EXT1: variants seen among roughly 807,000 people sequenced by gnomAD.
EXT1 encodes exostosin glycosyltransferase 1.
A neutral mutation model predicts 82.5 loss-of-function variants in EXT1; 20 were observed. The observed-to-expected ratio is 0.24, with a 90% CI of 0.17 to 0.35. EXT1 has a LOEUF of 0.35. EXT1 is among the 10% of genes least tolerant of loss of function. EXT1 has a pLI of 1.00. For synonymous variants in EXT1, 348 were observed against 350.8 expected (o/e 0.99, Z 0.09); for missense variants, 757 against 936.5 (o/e 0.81, Z 2.50).
At chr8:117,954,960 G>T (rs1278133328) in intron 1 of EXT1, among the ~76,000 whole-genome samples, 3 of 152,140 alleles carry the variant, frequency 2.0e-5, no homozygotes, top group Non-Finnish European at 4.4e-5. Context: ...ACAAGTCTGG[G>T]TCTCCTATAC....
intron 1 of EXT1, 142 bp downstream of exon 1, chr8:118,109,943 C>T (rs1817863677): frequency 7.5e-7 from 1 of 1,340,316 alleles, no homozygotes; most frequent in East Asian, 2.4e-5. Flanking sequence ...ACACCCGAAC[C>T]GGATTTGCTC....
intron 1 of EXT1, among the ~76,000 whole-genome samples, chr8:117,843,233 A>T (rs1289158264): frequency 6.6e-6 from 1 of 152,226 alleles, no homozygotes; most frequent in Non-Finnish European, 1.5e-5. Flanking sequence ...TTCACCAAGC[A>T]TTAGTTGAAT....
intron 7 of EXT1, among the ~76,000 whole-genome samples, chr8:117,817,200 A>T (rs960638100): frequency 1.3e-5 from 2 of 152,204 alleles, no homozygotes; most frequent in African/African-American, 4.8e-5. Context: ...TGTTACAAGG[A>T]GCTCAGCACA....
At chr8:118,094,678 G>A (rs867554387) in intron 1 of EXT1, among the ~76,000 whole-genome samples, 1 of 152,172 alleles carries the variant, frequency 6.6e-6, no homozygotes, top group Non-Finnish European at 1.5e-5. Flanking sequence ...AGTGAAGAAC[G>A]GAAACAGGGA....
chr8:118,106,897 A>C (rs374301916), intron 1 of EXT1, among the ~76,000 whole-genome samples: 14 of 152,244 alleles, frequency 9.2e-5, no homozygotes, highest in African/African-American at 3.4e-4. Flanking sequence ...TACAGCTATC[A>C]TAAAAATTGA....
intron 1 of EXT1, among the ~76,000 whole-genome samples, chr8:117,899,902 C>G (rs565571903): frequency 6.6e-6 from 1 of 152,168 alleles, no homozygotes; most frequent in Admixed American, 6.5e-5. Flanking sequence ...AAGAGTGGAT[C>G]TAAACTCAAA....
chr8:117,986,443 C>T (rs1279433369), intron 1 of EXT1, among the ~76,000 whole-genome samples: 1 of 152,098 alleles, frequency 6.6e-6, no homozygotes, highest in South Asian at 2.1e-4. Flanking sequence ...GTGATCCACC[C>T]GCCTCAGGCT....
chr8:117,908,386 T>G (rs1435455616), intron 1 of EXT1, among the ~76,000 whole-genome samples: 7 of 152,110 alleles, frequency 4.6e-5, no homozygotes, highest in Admixed American at 6.5e-5. Context: ...TCACAGCACT[T>G]TGGGAGGCTG....
chr8:117,899,985 T>C (rs1371486519), intron 1 of EXT1, among the ~76,000 whole-genome samples: 4 of 152,160 alleles, frequency 2.6e-5, no homozygotes, highest in Non-Finnish European at 5.9e-5. Context: ...CAAAATGGAC[T>C]GAGCTCCCAT....
intron 1 of EXT1, among the ~76,000 whole-genome samples, chr8:117,984,362 G>A (rs1413415162): frequency 2.0e-5 from 3 of 151,750 alleles, no homozygotes; most frequent in Non-Finnish European, 4.4e-5. Context: ...GGGTGAGGTG[G>A]AGGCTGAAGT....
At chr8:118,009,786 C>G (rs973368690) in intron 1 of EXT1, among the ~76,000 whole-genome samples, 7 of 152,294 alleles carry the variant, frequency 4.6e-5, no homozygotes, top group Non-Finnish European at 1.0e-4. Context: ...TCAGGTGGAA[C>G]AGTTTCATCC....
chr8:118,006,574 T>C (rs527667199), intron 1 of EXT1, among the ~76,000 whole-genome samples: 2 of 152,300 alleles, frequency 1.3e-5, no homozygotes, highest in East Asian at 3.9e-4. Flanking sequence ...ACAACTGTGG[T>C]TCAGTGGAAA....
intron 1 of EXT1, among the ~76,000 whole-genome samples, chr8:117,875,337 C>T (rs886693634): frequency 6.6e-6 from 1 of 152,076 alleles, no homozygotes; most frequent in African/African-American, 2.4e-5. Context: ...AGGAGAACCG[C>T]TTGAACCCGG....
At chr8:117,997,751 A>C (rs1050412196) in intron 1 of EXT1, among the ~76,000 whole-genome samples, 3 of 152,168 alleles carry the variant, frequency 2.0e-5, no homozygotes, top group Admixed American at 1.3e-4. Flanking sequence ...AGATGAGCTC[A>C]TTCTGATGAT....
At chr8:118,004,360 A>C (rs1586337175) in intron 1 of EXT1, among the ~76,000 whole-genome samples, 1 of 152,236 alleles carries the variant, frequency 6.6e-6, no homozygotes, top group African/African-American at 2.4e-5. Context: ...TTGCATCTCC[A>C]GGACCTGGCA....
chr8:117,812,516 T>G (rs1189113382), intron 8 of EXT1, among the ~76,000 whole-genome samples: 1 of 152,018 alleles, frequency 6.6e-6, no homozygotes, highest in Non-Finnish European at 1.5e-5. Flanking sequence ...GAAAGCATGG[T>G]TTCAACCTAA....
chr8:117,906,464 C>G (rs975952968), intron 1 of EXT1, among the ~76,000 whole-genome samples: 1 of 152,154 alleles, frequency 6.6e-6, no homozygotes, highest in African/African-American at 2.4e-5. Context: ...GTCCAGGAAG[C>G]CACTACCAAT....
intron 1 of EXT1, among the ~76,000 whole-genome samples, chr8:117,994,269 A>AGGGCTAC (rs1815492183): frequency 6.6e-6 from 1 of 152,176 alleles, no homozygotes; most frequent in Non-Finnish European, 1.5e-5. Context: ...AGACAAACAC[A>AGGGCTAC]TCTCAGGTTT....
At position 117,990,576 on chromosome 8, in the gene EXT1, G is replaced by T. The variant is rs79861033; in HGVS notation, c.962+119509C>A. ...TGGCTGCTGCCATAATGCTAAGGCC[G>T]GCAAGCCTAAGAGTAAGACCCACAG... On this transcript the variant is annotated intron_variant, in intron 1 of 10. Coordinates refer to ENST00000378204, the MANE Select transcript of EXT1 (RefSeq NM_000127.3). Among the ~76,000 whole-genome samples, 16 of 152,274 alleles carry T rather than the reference G, an allele frequency of 1.1e-4. No homozygotes were observed. The East Asian group carries it at 3.1e-3, about 29-fold the overall frequency.
Sources: gnomAD v4.1 joint callset for allele counts (sites outside exome capture counted in the v4.1 genomes callset) on GRCh38, gnomAD v4.1.1 for gene constraint, MANE v1.5 for transcripts, NCBI Gene and HGNC (gene_info 2026-07-23, HGNC 2026-07-21) for gene names.